The following COL23A1 variants were observed in gnomAD, a reference collection of about 807,000 sequenced individuals.
COL23A1 encodes the protein collagen type XXIII alpha 1 chain.
COL23A1 carries 97 observed loss-of-function variants against 99.3 expected under a neutral mutation model. That is an observed-to-expected ratio of 0.98 (90% CI 0.83 to 1.16). The LOEUF (loss-of-function observed/expected upper bound fraction) is 1.16. COL23A1 is among the 50% of genes most tolerant of loss of function. The probability of loss-of-function intolerance (pLI) is 0.00; values close to 1 mark genes in which losing one functional copy is unlikely to be tolerated. For missense variants in COL23A1, 762 were observed against 757.4 expected (o/e 1.01, Z -0.07); for synonymous variants, 320 against 308.2 (o/e 1.04, Z -0.40).
rs897822723 is a variant in COL23A1 at position 178,415,200 on chromosome 5, T to C, written c.362-108281A>G. Reference sequence around the variant, plus strand: ...AGCTCCAGTCAAGGATCCTGGCATCTTGCTTGGTGCAATGACACACTCTTT... The same window carrying C: ...AGCTCCAGTCAAGGATCCTGGCATCCTGCTTGGTGCAATGACACACTCTTT... On this transcript the variant is annotated intron_variant, in intron 2 of 28. Transcript: ENST00000390654. The surrounding 1 kb of genome is among the most constrained non-coding windows in gnomAD (Gnocchi z 4.6). Among the ~76,000 whole-genome samples the C allele has an allele frequency of 2.0e-5, 3 of 152,164 alleles. No homozygotes were observed. The highest frequency in any genetic ancestry group is 4.4e-5 in the Non-Finnish European group (3 of 68,040).
At chr5:178,359,671 G>C (rs1762073165) in intron 2 of COL23A1, among the ~76,000 whole-genome samples, 1 of 152,208 alleles carries the variant, frequency 6.6e-6, no homozygotes. Context: ...CTCTCCTGCT[G>C]CACGCTGGCT....
Position 178,573,106 on chromosome 5 carries a change from C to T in COL23A1, c.295-12358G>A, listed in dbSNP as rs552879121. ...AGGAAACTCTGGAGGGTGAGGGATGCATTCCCTATCTAGACTGTGGAGAGG... is the reference window on the plus strand; with the variant it reads ...AGGAAACTCTGGAGGGTGAGGGATGTATTCCCTATCTAGACTGTGGAGAGG... On this transcript the variant is annotated intron_variant, in intron 1 of 28. Transcript: ENST00000390654. Among the ~76,000 whole-genome samples the T allele has an allele frequency of 3.3e-5, 5 of 152,306 alleles. No homozygotes were observed. In the South Asian group the frequency reaches 8.3e-4, roughly 25 times the overall value.
chr5:178,364,081 C>A (rs1469596227), intron 2 of COL23A1, among the ~76,000 whole-genome samples: 1 of 152,212 alleles, frequency 6.6e-6, no homozygotes, highest in Non-Finnish European at 1.5e-5. Flanking sequence ...CCACCTCGGT[C>A]CCGCCCCGGG....
intron 2 of COL23A1, among the ~76,000 whole-genome samples, chr5:178,480,808 T>C (rs1196953605): frequency 6.6e-6 from 1 of 152,178 alleles, no homozygotes; most frequent in East Asian, 1.9e-4. Flanking sequence ...TCCATCTTTG[T>C]ATAATATGTC....
intron 2 of COL23A1, among the ~76,000 whole-genome samples, chr5:178,414,719 CTGAGA>C (rs1025059533): frequency 6.6e-6 from 1 of 152,140 alleles, no homozygotes; most frequent in African/African-American, 2.4e-5. Flanking sequence ...TTGCAGTGAG[CTGAGA>C]TGACACTACT....
chr5:178,410,146 T>C (rs1764986738), intron 2 of COL23A1, among the ~76,000 whole-genome samples: 1 of 152,206 alleles, frequency 6.6e-6, no homozygotes, highest in South Asian at 2.1e-4. Context: ...TAATACAGTA[T>C]GAAAACAGAA....
chr5:178,574,008 A>G (rs262059), intron 1 of COL23A1, among the ~76,000 whole-genome samples: 69,799 of 151,640 alleles, frequency 0.46, 18,439 homozygotes, highest in African/African-American at 0.73. Context: ...ACAGGCGCCC[A>G]CCATCACGCC....
chr5:178,330,995 C>T (rs973025866), intron 2 of COL23A1, among the ~76,000 whole-genome samples: 2 of 152,240 alleles, frequency 1.3e-5, no homozygotes, highest in Non-Finnish European at 2.9e-5. Flanking sequence ...TTCCATTCTG[C>T]TAGAATGCAG....
chr5:178,367,886 T>TGGAGCA (rs1762576756), intron 2 of COL23A1, among the ~76,000 whole-genome samples: 1 of 151,768 alleles, frequency 6.6e-6, no homozygotes, highest in African/African-American at 2.4e-5. Context: ...CTGTGGAGAG[T>TGGAGCA]GGAGCAGGAT....
At chr5:178,527,928 C>A (rs981203842) in intron 2 of COL23A1, among the ~76,000 whole-genome samples, 1 of 152,258 alleles carries the variant, frequency 6.6e-6, no homozygotes, top group African/African-American at 2.4e-5. Context: ...CACATTCACA[C>A]ACACAAAAGG....
chr5:178,274,632 C>T (rs897017364), intron 5 of COL23A1, among the ~76,000 whole-genome samples: 3 of 151,968 alleles, frequency 2.0e-5, no homozygotes, highest in Admixed American at 1.3e-4. Flanking sequence ...AATAGGGCAC[C>T]GGCCATCAGC....
Position 178,419,452 on chromosome 5 carries a change from C to T in COL23A1, c.362-112533G>A, listed in dbSNP as rs145242532. Among the ~76,000 whole-genome samples, 172 of 152,288 alleles carry T rather than the reference C, an allele frequency of 1.1e-3. 1 individual carries two copies. Among genetic ancestry groups the T allele is most frequent in the African/African-American group, 3.9e-3 (162 of 41,550 alleles). On this transcript the variant is annotated intron_variant, in intron 2 of 28. Coordinates refer to ENST00000390654, the MANE Select transcript of COL23A1 (RefSeq NM_173465.4). ...CCTGTTCTGTGCCAGGCACTGGGCT[C>T]GGCACCACGACCTGAATTATCTCCT...
chr5:178,261,834 G>A, intron 10 of COL23A1, 86 bp from the exon 11 acceptor site: 1 of 1,170,416 alleles, frequency 8.5e-7, no homozygotes, highest in East Asian at 2.3e-5. Context: ...CTTTGTAAAA[G>A]GTGACACCAA....
intron 2 of COL23A1, among the ~76,000 whole-genome samples, chr5:178,446,283 A>T (rs1444594518): frequency 6.6e-6 from 1 of 152,018 alleles, no homozygotes; most frequent in Non-Finnish European, 1.5e-5. Context: ...TCCTAAAAAG[A>T]TGTTCACACA....
At chr5:178,268,884 A>G in intron 6 of COL23A1, 128 bp from the exon 7 acceptor site, 5 of 873,694 alleles carry the variant, frequency 5.7e-6, no homozygotes, top group Non-Finnish European at 8.5e-6. Context: ...AAAATTACAC[A>G]TGAGCTCTCA....
chr5:178,362,021 A>G (rs1352642609), intron 2 of COL23A1, among the ~76,000 whole-genome samples: 1 of 152,178 alleles, frequency 6.6e-6, no homozygotes, highest in East Asian at 1.9e-4. Flanking sequence ...AGTGATGCTT[A>G]TGCAAAGCTT....
chr5:178,509,234 T>C (rs1447438802), intron 2 of COL23A1, among the ~76,000 whole-genome samples: 110 of 151,248 alleles, frequency 7.3e-4, no homozygotes, highest in African/African-American at 2.5e-3. Flanking sequence ...TTTTTTTGTT[T>C]TTCTCGAGAC....
Position 178,295,777 on chromosome 5 carries a change from G to A in COL23A1, c.407-5408C>T, listed in dbSNP as rs1008534631. On this transcript the variant is annotated intron_variant, in intron 3 of 28. Coordinates refer to ENST00000390654, the MANE Select transcript of COL23A1 (RefSeq NM_173465.4). ...GGTGCAGCTGCAGATGGAATACTAT[G>A]CAGCCATGAAAAAGGTAATGTTCTG... Among the ~76,000 whole-genome samples the A allele has an allele frequency of 1.4e-4, 22 of 152,362 alleles. No homozygotes were observed. In the East Asian group the frequency reaches 3.9e-3, roughly 27 times the overall value.
intron 2 of COL23A1, among the ~76,000 whole-genome samples, chr5:178,354,270 G>T (rs375226545): frequency 2.6e-5 from 4 of 152,224 alleles, no homozygotes; most frequent in African/African-American, 7.2e-5. Flanking sequence ...GAGTGCAATC[G>T]TGATCATAGC....
Sources: gnomAD v4.1 joint callset for allele counts (sites outside exome capture counted in the v4.1 genomes callset) on GRCh38, gnomAD v4.1.1 for gene constraint, Gnocchi (gnomAD v3.1) non-coding constraint, MANE v1.5 for transcripts, NCBI Gene and HGNC (gene_info 2026-07-23, HGNC 2026-07-21) for gene names.